The following MAPRE2 variants were observed in gnomAD, a reference collection of about 807,000 sequenced individuals.
MAPRE2 encodes the protein microtubule-associated protein RP/EB family member 2.
Under a neutral mutation model 43.2 loss-of-function variants are expected in MAPRE2, and 13 were observed. The ratio of observed to expected loss-of-function variants is 0.30; its 90% confidence interval spans 0.20 to 0.48. MAPRE2 has a LOEUF of 0.48. Among genes scored for constraint, MAPRE2 ranks in the 20% least tolerant of loss-of-function variants. The pLI, the probability that MAPRE2 is intolerant of heterozygous loss-of-function variation, is 0.99. For missense variants in MAPRE2, 161 were observed against 400.2 expected, an observed-to-expected ratio of 0.40 and a Z score of 5.10; for synonymous variants, 135 against 148.8, an observed-to-expected ratio of 0.91 and a Z score of 0.68.
chr18:35,002,876 T>C (rs73949046), intron 1 of MAPRE2, among the ~76,000 whole-genome samples: 1 of 152,216 alleles, frequency 6.6e-6, no homozygotes, highest in Non-Finnish European at 1.5e-5. Context: ...CTGCTTCACA[T>C]GGGCAAAAGT....
At position 35,057,973 on chromosome 18, in the gene MAPRE2, A is replaced by G. The variant is rs545944105; in HGVS notation, c.123-12222A>G. On this transcript the variant is annotated intron_variant, in intron 1 of 6. Transcript: ENST00000300249. ...CCATTTGCTACTCATCATAAAGTGCAGGAGAGAACCTGTCTTGTATATAAT... is the reference window on the plus strand; with the variant it reads ...CCATTTGCTACTCATCATAAAGTGCGGGAGAGAACCTGTCTTGTATATAAT... 5.9e-5 allele frequency among the ~76,000 whole-genome samples: 9 copies of G among 152,366 alleles called. No individual in the cohort carries two copies. The South Asian group carries it at 8.3e-4, about 14-fold the overall frequency.
intron 2 of MAPRE2, among the ~76,000 whole-genome samples, chr18:35,091,750 G>A (rs953837494): frequency 1.3e-5 from 2 of 152,006 alleles, no homozygotes; most frequent in Non-Finnish European, 2.9e-5. Context: ...AAAATACTGA[G>A]GCATCACATC....
chr18:35,041,449 C>G lies in MAPRE2; in HGVS notation c.-91C>G, dbSNP rs577134420. The G allele has an allele frequency of 8.1e-6, 13 of 1,601,148 alleles. No individual in the cohort carries two copies. Among genetic ancestry groups the G allele is most frequent in the Admixed American group, 3.4e-5 (2 of 59,092 alleles). ...GAGCGAGCAGGCGGCAGGCACGGTC[C>G]GTGCGGAGCAGGCGAGCGAGCGGGA... On this transcript the variant is annotated 5_prime_UTR_variant, in exon 1 of 7. Transcript: ENST00000300249.
At chr18:35,132,443 T>G (rs969075055) in intron 6 of MAPRE2, among the ~76,000 whole-genome samples, 1 of 152,226 alleles carries the variant, frequency 6.6e-6, no homozygotes, top group Non-Finnish European at 1.5e-5. Context: ...CAGAAAAATA[T>G]GCTTATGCAG....
chr18:35,043,891 A>C (rs1030417429), intron 1 of MAPRE2, among the ~76,000 whole-genome samples: 1 of 152,178 alleles, frequency 6.6e-6, no homozygotes, highest in Non-Finnish European at 1.5e-5. Flanking sequence ...GGGCATAGGA[A>C]AAGGAAAAAT....
intron 2 of MAPRE2, among the ~76,000 whole-genome samples, chr18:35,032,991 T>A (rs1034672823): frequency 6.6e-6 from 1 of 152,144 alleles, no homozygotes; most frequent in Non-Finnish European, 1.5e-5. Context: ...ATTTAGTATA[T>A]CTCTTCCTGG....
chr18:34,979,708 G>A (rs141485827), intron 1 of MAPRE2, among the ~76,000 whole-genome samples: 24 of 152,078 alleles, frequency 1.6e-4, no homozygotes, highest in African/African-American at 5.5e-4. Flanking sequence ...TATACATCCA[G>A]GAGTGAATTA....
chr18:35,030,960 G>A (rs2097047555), intron 2 of MAPRE2, among the ~76,000 whole-genome samples: 1 of 152,052 alleles, frequency 6.6e-6, no homozygotes, highest in Admixed American at 6.5e-5. Flanking sequence ...TGATATCACA[G>A]GTCTATGTCC....
chr18:35,033,232 T>C (rs993532843), intron 2 of MAPRE2, among the ~76,000 whole-genome samples: 1 of 152,142 alleles, frequency 6.6e-6, no homozygotes, highest in African/African-American at 2.4e-5. Flanking sequence ...AAATGTAATC[T>C]AGCATATAAA....
intron 2 of MAPRE2, among the ~76,000 whole-genome samples, chr18:35,007,835 A>T (rs1398585251): frequency 4.0e-5 from 6 of 151,682 alleles, no homozygotes; most frequent in Non-Finnish European, 7.4e-5. Flanking sequence ...TTTTTTTTTC[A>T]ATAAATGCAG....
At chr18:35,014,264 T>C (rs2097036717) in intron 2 of MAPRE2, among the ~76,000 whole-genome samples, 1 of 151,992 alleles carries the variant, frequency 6.6e-6, no homozygotes, top group Admixed American at 6.6e-5. Flanking sequence ...TATTGAAACA[T>C]CTGGTTTATG....
chr18:35,007,822 ATT>A (rs11357295), intron 2 of MAPRE2, among the ~76,000 whole-genome samples: 11 of 151,008 alleles, frequency 7.3e-5, no homozygotes, highest in Admixed American at 3.3e-4. Flanking sequence ...CTTATAAGTG[ATT>A]TTTTTTTTTC....
chr18:35,078,351 T>A (rs908716668), intron 2 of MAPRE2, among the ~76,000 whole-genome samples: 1 of 152,182 alleles, frequency 6.6e-6, no homozygotes, highest in African/African-American at 2.4e-5. Flanking sequence ...TTTTTATAGC[T>A]CTGATTATCT....
chr18:35,123,045 C>CT (rs1321665996), intron 4 of MAPRE2, among the ~76,000 whole-genome samples: 1 of 152,250 alleles, frequency 6.6e-6, no homozygotes, highest in African/African-American at 2.4e-5. Context: ...GTGAGCCATG[C>CT]TGAGCGCCTC....
chr18:35,055,639 C>G (rs1906190046), intron 1 of MAPRE2, among the ~76,000 whole-genome samples: 1 of 151,754 alleles, frequency 6.6e-6, no homozygotes. Flanking sequence ...CACACAGGTA[C>G]CCCTCACCAG....
chr18:34,988,071 CTT>C (rs2097021920), intron 1 of MAPRE2, among the ~76,000 whole-genome samples: 1 of 152,150 alleles, frequency 6.6e-6, no homozygotes, highest in Non-Finnish European at 1.5e-5. Flanking sequence ...CAGCAAATCT[CTT>C]TTGTTTTTCA....
chr18:35,129,657 G>A (rs1056013897), intron 5 of MAPRE2, among the ~76,000 whole-genome samples: 2 of 152,162 alleles, frequency 1.3e-5, no homozygotes, highest in Admixed American at 1.3e-4. Context: ...GTTGGTCTTC[G>A]CTCGGAGCGC....
intron 2 of MAPRE2, among the ~76,000 whole-genome samples, chr18:35,020,627 T>A (rs372716223): frequency 1.3e-5 from 2 of 152,110 alleles, no homozygotes; most frequent in East Asian, 3.9e-4. Flanking sequence ...AGAAGCAACC[T>A]ATTTCTGTAA....
chr18:35,013,664 C>T (rs866410043), intron 2 of MAPRE2, among the ~76,000 whole-genome samples: 7 of 152,114 alleles, frequency 4.6e-5, no homozygotes, highest in African/African-American at 1.7e-4. Context: ...TCTCCCTATC[C>T]TTTCCTTCCC....
Sources: gnomAD v4.1 joint callset for allele counts (sites outside exome capture counted in the v4.1 genomes callset) on GRCh38, gnomAD v4.1.1 for gene constraint, MANE v1.5 for transcripts, NCBI Gene and HGNC (gene_info 2026-07-23, HGNC 2026-07-21) for gene names.